The following SCHIP1 variants were observed in gnomAD, a reference collection of about 807,000 sequenced individuals.
The protein encoded by SCHIP1 is schwannomin interacting protein 1, also known as schwannomin-interacting protein 1.
In SCHIP1, 8 loss-of-function variants were observed where a neutral mutation model predicts 29.7. The observed-to-expected ratio is 0.27, with a 90% CI of 0.16 to 0.49. The LOEUF (loss-of-function observed/expected upper bound fraction) is 0.49. SCHIP1 is among the 20% of genes least tolerant of loss of function. The pLI is 0.99. For missense variants in SCHIP1, 193 were observed against 294.6 expected (o/e 0.66, Z 2.52); for synonymous variants, 76 against 94.9 (o/e 0.80, Z 1.16).
At chr3:159,275,085 A>G in the SCHIP1 span, 1 of 971,922 alleles carries the variant, frequency 1.0e-6, no homozygotes, top group Non-Finnish European at 1.2e-6. Context: ...ATAATTTTAG[A>G]GGATGTAACA....
At chr3:159,384,090 TA>T in the SCHIP1 span, among the ~76,000 whole-genome samples, 1 of 151,592 alleles carries the variant, frequency 6.6e-6, no homozygotes, top group Non-Finnish European at 1.5e-5. Flanking sequence ...CCTAATTGAA[TA>T]CCCTTTATTT....
the SCHIP1 span, chr3:159,765,248 T>C: frequency 5.5e-6 from 7 of 1,283,612 alleles, no homozygotes; most frequent in Non-Finnish European, 1.0e-6. Flanking sequence ...CCATTCATTC[T>C]TCCTCGAGGG....
chr3:159,586,064 ATAAAT>A, the SCHIP1 span, among the ~76,000 whole-genome samples: 7 of 152,132 alleles, frequency 4.6e-5, no homozygotes, highest in African/African-American at 1.7e-4. Context: ...AACTCCAGAA[ATAAAT>A]TAATAAGCTT....
chr3:159,388,749 C>T, the SCHIP1 span, among the ~76,000 whole-genome samples: 1 of 152,070 alleles, frequency 6.6e-6, no homozygotes, highest in East Asian at 1.9e-4. Flanking sequence ...ATGGACTTCA[C>T]AGGTTAACTC....
At chr3:159,844,346 C>T (rs750690727) in intron 1 of SCHIP1, among the ~76,000 whole-genome samples, 9 of 152,206 alleles carry the variant, frequency 5.9e-5, no homozygotes, top group Non-Finnish European at 4.4e-5. Flanking sequence ...CTTTGAACAA[C>T]GTAAACCAAG....
chr3:159,576,061 TG>T, the SCHIP1 span, among the ~76,000 whole-genome samples: 2 of 152,316 alleles, frequency 1.3e-5, no homozygotes, highest in Middle Eastern at 3.4e-3. Flanking sequence ...AACTCACTGA[TG>T]TTTTTTGCCA....
intron 2 of SCHIP1, among the ~76,000 whole-genome samples, chr3:159,881,738 G>A (rs550093506): frequency 2.6e-5 from 4 of 152,310 alleles, no homozygotes; most frequent in East Asian, 1.9e-4. Context: ...ATGATGATGC[G>A]TAATTTTTTT....
At chr3:159,698,561 T>C in the SCHIP1 span, among the ~76,000 whole-genome samples, 1 of 152,182 alleles carries the variant, frequency 6.6e-6, no homozygotes, top group African/African-American at 2.4e-5. Context: ...GTACAGAAGA[T>C]CCCTCAACCT....
At chr3:159,792,599 G>A in the SCHIP1 span, among the ~76,000 whole-genome samples, 28 of 152,274 alleles carry the variant, frequency 1.8e-4, 1 homozygote, top group African/African-American at 6.7e-4. Context: ...CAATTAGTTG[G>A]CATTTTAGTT....
chr3:159,636,958 C>T, the SCHIP1 span, among the ~76,000 whole-genome samples: 1 of 152,136 alleles, frequency 6.6e-6, no homozygotes, highest in Non-Finnish European at 1.5e-5. Flanking sequence ...GTTCTCAAAA[C>T]AATTACCTAG....
the SCHIP1 span, among the ~76,000 whole-genome samples, chr3:159,830,097 C>T: frequency 2.0e-5 from 3 of 152,192 alleles, no homozygotes; most frequent in South Asian, 6.2e-4. Flanking sequence ...TTTACAACTA[C>T]TTACTTGTGT....
chr3:159,845,382 C>CTT (rs11344098), intron 1 of SCHIP1: 13 of 140,598 alleles, frequency 9.2e-5, no homozygotes, highest in Non-Finnish European at 1.1e-4. Flanking sequence ...CAAGCTTCTT[C>CTT]TTTTTTTTTT....
chr3:159,876,789 C>G (rs150356445), intron 2 of SCHIP1, among the ~76,000 whole-genome samples: 1 of 152,232 alleles, frequency 6.6e-6, no homozygotes, highest in African/African-American at 2.4e-5. Context: ...TAGTCCTAAA[C>G]TTTCCAGCTC....
chr3:159,671,999 A>G, the SCHIP1 span, among the ~76,000 whole-genome samples: 2 of 152,242 alleles, frequency 1.3e-5, no homozygotes, highest in East Asian at 1.9e-4. Context: ...GATATACTCC[A>G]TGAAAATCGC....
At chr3:159,339,931 A>G in the SCHIP1 span, among the ~76,000 whole-genome samples, 1 of 152,150 alleles carries the variant, frequency 6.6e-6, no homozygotes, top group African/African-American at 2.4e-5. Flanking sequence ...ATAAAATACA[A>G]TGATGATTTT....
At chr3:159,278,619 G>A in the SCHIP1 span, among the ~76,000 whole-genome samples, 42 of 152,180 alleles carry the variant, frequency 2.8e-4, no homozygotes, top group Non-Finnish European at 5.3e-4. Context: ...TAAAGATTCT[G>A]TTCCAATTGT....
chr3:159,315,359 C>T, the SCHIP1 span, among the ~76,000 whole-genome samples: 554 of 149,918 alleles, frequency 3.7e-3, 2 homozygotes, highest in African/African-American at 0.012. Context: ...CCACTATGCC[C>T]GGCTAATTTT....
the SCHIP1 span, among the ~76,000 whole-genome samples, chr3:159,751,500 C>T: frequency 6.6e-6 from 1 of 151,864 alleles, no homozygotes; most frequent in East Asian, 1.9e-4. Context: ...TAAAGGGATT[C>T]ATCACAGAAT....
At chr3:159,538,756 G>T in the SCHIP1 span, among the ~76,000 whole-genome samples, 2 of 152,192 alleles carry the variant, frequency 1.3e-5, no homozygotes, top group East Asian at 3.9e-4. Flanking sequence ...TTATATAACT[G>T]CCCACAGTTT....
Sources: gnomAD v4.1 joint callset for allele counts (sites outside exome capture counted in the v4.1 genomes callset) on GRCh38, gnomAD v4.1.1 for gene constraint, MANE v1.5 for transcripts, NCBI Gene and HGNC (gene_info 2026-07-23, HGNC 2026-07-21) for gene names.